Variants in VPS13A observed in about 807,000 individuals in gnomAD.
VPS13A encodes vacuolar protein sorting 13 homolog A.
A neutral mutation model predicts 390.9 loss-of-function variants in VPS13A; 264 were observed. The observed-to-expected ratio is 0.68, with a 90% CI of 0.61 to 0.75. The LOEUF (loss-of-function observed/expected upper bound fraction) is 0.75. Among genes scored for constraint, VPS13A ranks in the 30% least tolerant of loss-of-function variants. VPS13A has a pLI of 0.00. For synonymous variants in VPS13A, 1,231 were observed against 1,227.1 expected (o/e 1.00, Z -0.07); for missense variants, 3,409 against 3,733.9 (o/e 0.91, Z 2.27).
intron 62 of VPS13A, among the ~76,000 whole-genome samples, chr9:77,368,490 T>C (rs1832565369): frequency 1.3e-5 from 2 of 152,160 alleles, no homozygotes; most frequent in African/African-American, 4.8e-5. Context: ...GTGTAACTAG[T>C]TGTTAAGTCA....
At chr9:77,230,351 A>G (rs1397995449) in intron 17 of VPS13A, among the ~76,000 whole-genome samples, 1 of 152,060 alleles carries the variant, frequency 6.6e-6, no homozygotes, top group Non-Finnish European at 1.5e-5. Context: ...TAAGAATTTT[A>G]TGCTATTTCC....
chr9:77,283,728 G>C, intron 31 of VPS13A, 78 bp downstream of exon 31: 3 of 1,217,530 alleles, frequency 2.5e-6, no homozygotes, highest in Non-Finnish European at 3.5e-6. Context: ...GTATCATTTG[G>C]ACATTTGTCA....
Position 77,261,043 on chromosome 9 carries a change from G to A in VPS13A, c.2427+819G>A, listed in dbSNP as rs1013034564. Among the ~76,000 whole-genome samples the A allele has an allele frequency of 5.3e-5, 8 of 151,788 alleles. No homozygotes were observed. In the East Asian group the frequency reaches 1.4e-3, roughly 26 times the overall value. ...CTCCTGAGTGGCTGGGATTACAGGCGCCCGCCACCACGCCAGCTAATTTTT... is the reference window on the plus strand; with the variant it reads ...CTCCTGAGTGGCTGGGATTACAGGCACCCGCCACCACGCCAGCTAATTTTT... On this transcript the variant is annotated intron_variant, in intron 23 of 71. Transcript: ENST00000360280.
intron 1 of VPS13A, among the ~76,000 whole-genome samples, chr9:77,181,322 A>G (rs1171631054): frequency 6.6e-6 from 1 of 152,038 alleles, no homozygotes; most frequent in African/African-American, 2.4e-5. Flanking sequence ...CAGCCTGGCC[A>G]ATGTGGTGAA....
chr9:77,305,418 A>G (rs1231022763), intron 34 of VPS13A: 1 of 152,200 alleles, frequency 6.6e-6, no homozygotes, highest in Non-Finnish European at 1.5e-5. Flanking sequence ...ATAGAAACTC[A>G]TAAAACATAT....
chr9:77,344,941 T>G, intron 51 of VPS13A, 68 bp from the exon 52 acceptor site: 1 of 1,542,140 alleles, frequency 6.5e-7, no homozygotes. Flanking sequence ...AGTCTGTTCT[T>G]AAATGTTATT....
intron 23 of VPS13A, among the ~76,000 whole-genome samples, chr9:77,263,816 T>C (rs1223798310): frequency 4.6e-5 from 7 of 152,256 alleles, no homozygotes; most frequent in Non-Finnish European, 7.3e-5. Flanking sequence ...ATTTAGTCTT[T>C]GCCCATTCCT....
At chr9:77,224,352 C>T (rs1465066779) in intron 13 of VPS13A, among the ~76,000 whole-genome samples, 1 of 152,056 alleles carries the variant, frequency 6.6e-6, no homozygotes, top group Non-Finnish European at 1.5e-5. Flanking sequence ...AGCTATCATT[C>T]CTCTGATGGA....
chr9:77,270,336 T>C (rs1826273735), intron 23 of VPS13A, among the ~76,000 whole-genome samples: 3 of 152,230 alleles, frequency 2.0e-5, no homozygotes, highest in African/African-American at 7.2e-5. Context: ...TTGAAGGGAA[T>C]GTGGTCCTTG....
intron 22 of VPS13A, among the ~76,000 whole-genome samples, chr9:77,257,218 T>C (rs1014788394): frequency 7.2e-5 from 11 of 152,130 alleles, no homozygotes; most frequent in Non-Finnish European, 1.5e-4. Flanking sequence ...CCTCAAGTTA[T>C]AACAGTCTAT....
chr9:77,257,839 G>A (rs1825535592), intron 22 of VPS13A, among the ~76,000 whole-genome samples: 1 of 151,972 alleles, frequency 6.6e-6, no homozygotes, highest in African/African-American at 2.4e-5. Flanking sequence ...GCCCCCTCCA[G>A]TTTATCTTAT....
intron 35 of VPS13A, among the ~76,000 whole-genome samples, chr9:77,309,095 T>C (rs1362319964): frequency 6.6e-6 from 1 of 152,178 alleles, no homozygotes; most frequent in Non-Finnish European, 1.5e-5. Flanking sequence ...AAAGAAGCTC[T>C]GACATTCTAA....
chr9:77,213,701 T>G (rs1024338152), intron 9 of VPS13A, among the ~76,000 whole-genome samples: 2 of 151,938 alleles, frequency 1.3e-5, no homozygotes, highest in African/African-American at 2.4e-5. Context: ...AAGGTCTCAC[T>G]TTTTGTTGCC....
intron 13 of VPS13A, among the ~76,000 whole-genome samples, 175 bp from the exon 14 acceptor site, chr9:77,225,751 T>C (rs763181120): frequency 5.3e-5 from 8 of 152,348 alleles, no homozygotes; most frequent in Non-Finnish European, 1.0e-4. Flanking sequence ...CATGCTGATA[T>C]ATGTTCAAGC....
chr9:77,216,807 G>A (rs1822891265), intron 10 of VPS13A, among the ~76,000 whole-genome samples: 1 of 152,216 alleles, frequency 6.6e-6, no homozygotes, highest in Non-Finnish European at 1.5e-5. Context: ...GAGTCCCAAA[G>A]CTGAAGAATT....
intron 22 of VPS13A, among the ~76,000 whole-genome samples, chr9:77,257,555 C>G (rs1825517658): frequency 6.6e-6 from 1 of 152,036 alleles, no homozygotes; most frequent in African/African-American, 2.4e-5. Context: ...GAGTTTGAGA[C>G]CAGCCTGGCC....
At chr9:77,340,369 TAACAG>T (rs751386050) in intron 49 of VPS13A, 30 bp from the exon 50 acceptor site, 1 of 1,608,378 alleles carries the variant, frequency 6.2e-7, no homozygotes, top group African/African-American at 1.4e-5. Flanking sequence ...ATGTTATACA[TAACAG>T]TTTTTGAGCT....
Position 77,314,513 on chromosome 9 carries a change from C to A in VPS13A, c.4261C>A (p.Arg1421Ser). The A allele has an allele frequency of 6.2e-7, 1 of 1,611,930 alleles. No individual in the cohort carries two copies. Among genetic ancestry groups the A allele is most frequent in the South Asian group, 1.1e-5 (1 of 90,978 alleles). ...TTCATAGGCTTCCTTTACAGATGTT[C>A]GTGATCCTTCTCTGAAACTTGCTGA... is the stretch of plus-strand genomic sequence containing the variant. ...GPKQASFTDV[R>S]DPSLKLAEFK... Residue 1421 changes from arginine to serine, a missense_variant, in exon 37 of 72, where the codon CGT becomes AGT. Physicochemically the swap from Arg to Ser is moderately radical, Grantham distance 110. Around this residue, in one of 5 missense-constraint regions of VPS13A, gnomAD observed 2,717 missense variants for 2,917.4 expected, o/e 0.93. Transcript: ENST00000360280.
intron 51 of VPS13A, 41 bp downstream of exon 51, chr9:77,344,322 C>T: frequency 6.3e-7 from 1 of 1,587,856 alleles, no homozygotes; most frequent in Non-Finnish European, 8.6e-7. Context: ...ATTAGGAAAG[C>T]TAAAATATAC....
Sources: allele counts gnomAD v4.1 joint callset (sites outside exome capture counted in the v4.1 genomes callset), GRCh38; gene constraint gnomAD v4.1.1; regional missense constraint gnomAD v4.1.1; transcripts MANE v1.5; gene names NCBI Gene and HGNC (gene_info 2026-07-23, HGNC 2026-07-21).